ZNF33B: variants seen among roughly 807,000 people sequenced by gnomAD.
ZNF33B encodes zinc finger protein 11b (KOX 2).
ZNF33B carries 29 observed loss-of-function variants against 45.8 expected under a neutral mutation model. The ratio of observed to expected loss-of-function variants is 0.63; its 90% CI spans 0.47 to 0.86. The LOEUF (loss-of-function observed/expected upper bound fraction) is 0.86, where lower values mean the gene tolerates loss of function less well. Among genes scored for constraint, ZNF33B ranks in the 40% least tolerant of loss-of-function variants. The pLI is 0.00. For synonymous variants in ZNF33B, 305 were observed against 307.8 expected, an observed-to-expected ratio of 0.99 and a Z score of 0.10; for missense variants, 831 against 909.9, an observed-to-expected ratio of 0.91 and a Z score of 1.12.
rs1837171062 is a variant in ZNF33B at position 42,592,487 on chromosome 10, G to A, written c.*126C>T. 1.5e-6 allele frequency: 2 copies of A among 1,325,896 alleles called. No individual in the cohort carries two copies. Among genetic ancestry groups the A allele is most frequent in the African/African-American group, 1.5e-5 (1 of 67,724 alleles). 82.1% of individuals were successfully genotyped at this position (1,325,896 alleles called of 1,614,324 possible). On this transcript the variant is annotated 3_prime_UTR_variant, in exon 5 of 5. Transcript: ENST00000359467. ...GTTTATCCCCTACTGTTACTTTGGA[G>A]TAACATAAGGCGAGTTTGTGGATAG...
intron 4 of ZNF33B, among the ~76,000 whole-genome samples, chr10:42,629,608 GATC>G (rs1010137581): frequency 1.3e-4 from 19 of 151,844 alleles, no homozygotes; most frequent in African/African-American, 3.9e-4. Flanking sequence ...AAAAATTTTA[GATC>G]ATGTTTTATG....
rs1024458411 is a variant in ZNF33B, at chr10:42,589,778, T to C, written c.*2835A>G. ...GTTGTATTTCCTCCTTCCAAATTTA[T>C]GTGCATTTTATTTCCTTTTTTTTTG... On this transcript the variant is annotated 3_prime_UTR_variant, in exon 5 of 5. Transcript: ENST00000359467. 2 of 148,966 alleles carry C rather than the reference T, an allele frequency of 1.3e-5. No individual in the cohort carries two copies. Among genetic ancestry groups the C allele is most frequent in the African/African-American group, 2.5e-5 (1 of 39,236 alleles). The allele number at this position is 148,966 out of a possible 1,614,324, so 9.2% of individuals were successfully genotyped here.
intron 2 of ZNF33B, among the ~76,000 whole-genome samples, chr10:42,635,283 G>A (rs1839239786): frequency 6.6e-6 from 1 of 151,636 alleles, no homozygotes; most frequent in East Asian, 1.9e-4. Flanking sequence ...TTGGGGCTTT[G>A]CAGGCCAAAA....
chr10:42,577,399 T>C (rs1836763491), intron 1 of ZNF33B, among the ~76,000 whole-genome samples: 1 of 152,186 alleles, frequency 6.6e-6, no homozygotes, highest in African/African-American at 2.4e-5. Context: ...AGTCTCTCTT[T>C]CCTACCGTCT....
chr10:42,597,223 A>G (rs1837435653), intron 4 of ZNF33B, among the ~76,000 whole-genome samples: 2 of 152,138 alleles, frequency 1.3e-5, no homozygotes, highest in African/African-American at 4.8e-5. Context: ...AGATGACTAC[A>G]TAATTGATGG....
chr10:42,638,090 C>A (rs1839411917), intron 1 of ZNF33B, among the ~76,000 whole-genome samples: 1 of 152,258 alleles, frequency 6.6e-6, no homozygotes. Flanking sequence ...GAACGGGCAA[C>A]AGAGTCCGTA....
At chr10:42,632,816 C>T (rs916669783) in intron 2 of ZNF33B, 3 of 243,742 alleles carry the variant, frequency 1.2e-5, no homozygotes, top group Admixed American at 5.5e-5. Context: ...GGAAGTATAG[C>T]TGTTGGTTGA....
At chr10:42,584,242 C>G (rs1335089796), downstream of ZNF33B, among the ~76,000 whole-genome samples, 2 of 152,148 alleles carry the variant, frequency 1.3e-5, no homozygotes, top group East Asian at 3.8e-4. Context: ...GAATGTGTAC[C>G]AAGGAAATTG....
At chr10:42,626,918 GTCAT>G (rs1178498745) in intron 4 of ZNF33B, among the ~76,000 whole-genome samples, 6 of 151,860 alleles carry the variant, frequency 4.0e-5, no homozygotes, top group Admixed American at 3.3e-4. Flanking sequence ...AAACCTATGG[GTCAT>G]TCAAATTATC....
intron 4 of ZNF33B, among the ~76,000 whole-genome samples, chr10:42,608,462 C>T (rs1426552251): frequency 1.3e-5 from 2 of 151,914 alleles, no homozygotes; most frequent in African/African-American, 2.4e-5. Context: ...TCTCTGACCA[C>T]AGTGGAAATT....
At chr10:42,622,216 T>C (rs779477378) in intron 4 of ZNF33B, among the ~76,000 whole-genome samples, 5 of 152,230 alleles carry the variant, frequency 3.3e-5, no homozygotes, top group African/African-American at 1.2e-4. Flanking sequence ...CAGTATCTCA[T>C]GTTCACAGTT....
At chr10:42,634,365 C>G (rs1839194458) in intron 2 of ZNF33B, among the ~76,000 whole-genome samples, 2 of 152,028 alleles carry the variant, frequency 1.3e-5, no homozygotes, top group Non-Finnish European at 2.9e-5. Flanking sequence ...TAAGATCGCA[C>G]CACTGCACTG....
chr10:42,593,608 T>C lies in ZNF33B; in HGVS notation c.1342A>G (p.Lys448Glu), dbSNP rs1470390076. The change falls in exon 5 of 5, where the codon AAA (lysine) becomes GAA (glutamate). Residue 448 changes from lysine (K) to glutamate (E), a missense_variant. By Grantham distance (56) the Lys-to-Glu change is moderately conservative. Transcript: ENST00000359467. ...AGGTGTGAATTCATACAGAAGGATTTTCCACATTCATAACATTCATAGGGT... is the reference window on the plus strand; with the variant it reads ...AGGTGTGAATTCATACAGAAGGATTCTCCACATTCATAACATTCATAGGGT... ...QKPYECYECG[K>E]SFCMNSHLTV... 1 of 1,613,934 alleles carries C rather than the reference T, an allele frequency of 6.2e-7. No homozygotes were observed. Among genetic ancestry groups the C allele is most frequent in the Non-Finnish European group, 8.5e-7 (1 of 1,179,962 alleles).
At chr10:42,617,145 C>T (rs1399791136) in intron 4 of ZNF33B, among the ~76,000 whole-genome samples, 1 of 135,596 alleles carries the variant, frequency 7.4e-6, no homozygotes, top group African/African-American at 2.8e-5. Context: ...ACTCTGTCAC[C>T]CAGGCTGGAG....
At chr10:42,631,145 A>G (rs2132160969) in intron 4 of ZNF33B, among the ~76,000 whole-genome samples, 1 of 152,312 alleles carries the variant, frequency 6.6e-6, no homozygotes, top group Middle Eastern at 3.4e-3. Context: ...CAGAACACTT[A>G]ATATACATAA....
intron 4 of ZNF33B, among the ~76,000 whole-genome samples, chr10:42,619,320 A>C (rs1838471775): frequency 6.6e-6 from 1 of 152,208 alleles, no homozygotes; most frequent in South Asian, 2.1e-4. Context: ...AATCAATTGA[A>C]GGCCTGAAGA....
rs1244293352 is a variant in ZNF33B at position 42,594,097 on chromosome 10, A to T, written c.853T>A (p.Cys285Ser). 7 of 1,614,096 alleles carry T rather than the reference A, an allele frequency of 4.3e-6. No individual in the cohort carries two copies. The South Asian group carries it at 6.6e-5, about 15-fold the overall frequency. Residue 285 changes from cysteine (C) to serine (S), a missense_variant, in exon 5 of 5, where the codon TGT becomes AGT. Cys to Ser is a moderately radical substitution (Grantham distance 112). Transcript: ENST00000359467. ...TGTTTAGAAAGGGTGGACTTCACAC[A>T]TAAGAACTTCTCACAATCACTAAAT... Reference protein sequence around the residue: ...YEFSDCEKFLCVKSTLSKHDG... With the variant: ...YEFSDCEKFLSVKSTLSKHDG...
At chr10:42,614,403 G>C (rs1312187713) in intron 4 of ZNF33B, 1 of 152,868 alleles carries the variant, frequency 6.5e-6, no homozygotes, top group Non-Finnish European at 1.5e-5. Context: ...CCCTGGAAGG[G>C]ATCCTGGAAC....
At chr10:42,580,186 G>T (rs7899665) in intron 1 of ZNF33B, among the ~76,000 whole-genome samples, 1 of 152,008 alleles carries the variant, frequency 6.6e-6, no homozygotes, top group African/African-American at 2.4e-5. Flanking sequence ...TATTGAGGAC[G>T]GTGAGGTCAG....
Sources: allele counts gnomAD v4.1 joint callset (sites outside exome capture counted in the v4.1 genomes callset), GRCh38; gene constraint gnomAD v4.1.1; transcripts MANE v1.5; gene names NCBI Gene and HGNC (gene_info 2026-07-23, HGNC 2026-07-21).